ITK: variants seen among roughly 807,000 people sequenced by gnomAD.
ITK encodes the protein IL2 inducible T cell kinase, also known as tyrosine-protein kinase ITK/TSK.
ITK carries 45 observed loss-of-function variants against 87.6 expected under a neutral mutation model. The ratio of observed to expected loss-of-function variants is 0.51; its 90% CI spans 0.40 to 0.66. ITK has a LOEUF of 0.66. ITK is among the 30% of genes least tolerant of loss of function. The pLI is 0.00. For missense variants in ITK, 605 were observed against 766.3 expected (o/e 0.79, Z 2.48); for synonymous variants, 303 against 273.6 (o/e 1.11, Z -1.06).
At chr5:157,238,730 A>C (rs1286001267) in intron 9 of ITK, among the ~76,000 whole-genome samples, 1 of 152,198 alleles carries the variant, frequency 6.6e-6, no homozygotes, top group Non-Finnish European at 1.5e-5. Flanking sequence ...TGAAGGGGCC[A>C]AGCCACATCC....
At chr5:157,210,065 A>G (rs1754157744) in intron 2 of ITK, among the ~76,000 whole-genome samples, 1 of 151,906 alleles carries the variant, frequency 6.6e-6, no homozygotes, top group African/African-American at 2.4e-5. Flanking sequence ...AGCTGGGACT[A>G]CGGGCGTGTG....
chr5:157,196,961 A>G (rs1446524333), intron 1 of ITK, among the ~76,000 whole-genome samples: 2 of 152,190 alleles, frequency 1.3e-5, no homozygotes, highest in African/African-American at 4.8e-5. Context: ...TTATGCTTGG[A>G]AAATATCACT....
intron 1 of ITK, among the ~76,000 whole-genome samples, 184 bp downstream of exon 1, chr5:157,181,299 G>T (rs535354248): frequency 3.3e-4 from 50 of 152,166 alleles, no homozygotes; most frequent in Non-Finnish European, 6.6e-4. Context: ...GAGGTGAAAT[G>T]GTGGTGCTAG....
At chr5:157,181,966 G>A (rs1753539577) in intron 1 of ITK, among the ~76,000 whole-genome samples, 1 of 152,224 alleles carries the variant, frequency 6.6e-6, no homozygotes, top group Non-Finnish European at 1.5e-5. Context: ...AGGTGATCCA[G>A]TCTGGGCAAA....
intron 1 of ITK, among the ~76,000 whole-genome samples, chr5:157,200,616 C>T (rs1313900513): frequency 3.9e-5 from 6 of 152,134 alleles, no homozygotes; most frequent in Non-Finnish European, 7.3e-5. Context: ...ACCTCAGGGT[C>T]TTTGGAAAGA....
At chr5:157,248,748 T>C (rs1174514531) in intron 15 of ITK, 102 bp from the exon 16 acceptor site, 3 of 1,316,132 alleles carry the variant, frequency 2.3e-6, no homozygotes, top group East Asian at 4.6e-5. Flanking sequence ...AGGTAGCACA[T>C]GAATCCTAAT....
At chr5:157,213,725 C>G (rs1754240000) in intron 3 of ITK, 1 of 344,918 alleles carries the variant, frequency 2.9e-6, no homozygotes, top group African/African-American at 2.1e-5. Flanking sequence ...TAGCAGACCC[C>G]CCTTTTTTTT....
At chr5:157,227,062 C>T (rs929156297) in intron 6 of ITK, among the ~76,000 whole-genome samples, 4 of 152,182 alleles carry the variant, frequency 2.6e-5, no homozygotes, top group Non-Finnish European at 5.9e-5. Flanking sequence ...TCAAGTGATC[C>T]ACCCACCTCA....
At chr5:157,224,641 T>A (rs1394595368) in intron 6 of ITK, among the ~76,000 whole-genome samples, 1 of 151,848 alleles carries the variant, frequency 6.6e-6, no homozygotes, top group African/African-American at 2.4e-5. Context: ...ATTAGCTGGG[T>A]GTGGTGGCAG....
chr5:157,210,545 T>A (rs935737807), intron 2 of ITK, among the ~76,000 whole-genome samples: 6 of 143,952 alleles, frequency 4.2e-5, no homozygotes, highest in African/African-American at 1.0e-4. Flanking sequence ...TTTTTTTTTT[T>A]AATTTTTTTT....
chr5:157,240,338 A>G, intron 10 of ITK, 143 bp downstream of exon 10: 2 of 771,336 alleles, frequency 2.6e-6, no homozygotes, highest in South Asian at 1.4e-5. Flanking sequence ...TGTGAACAGC[A>G]CTTGTGGGAT....
At chr5:157,183,779 T>G (rs1472674586) in intron 1 of ITK, among the ~76,000 whole-genome samples, 1 of 152,200 alleles carries the variant, frequency 6.6e-6, no homozygotes, top group Admixed American at 6.5e-5. Context: ...TCTTTTTCTC[T>G]TTTCTCATGT....
intron 1 of ITK, among the ~76,000 whole-genome samples, chr5:157,191,815 T>A (rs141904440): frequency 0.011 from 1,637 of 152,276 alleles, 25 homozygotes; most frequent in African/African-American, 0.035. Flanking sequence ...CCAGGTATAA[T>A]GAAAACACCA....
chr5:157,193,773 T>C (rs1172563446), intron 1 of ITK, among the ~76,000 whole-genome samples: 1 of 152,184 alleles, frequency 6.6e-6, no homozygotes, highest in Non-Finnish European at 1.5e-5. Flanking sequence ...GGTGAGTTTC[T>C]AACATAATCC....
At chr5:157,252,537 T>C in intron 16 of ITK, 70 bp from the exon 17 acceptor site, 1 of 1,105,380 alleles carries the variant, frequency 9.0e-7, no homozygotes, top group Non-Finnish European at 1.4e-6. Flanking sequence ...TATTAAATTC[T>C]GGTTTGTTTT....
At chr5:157,237,954 A>G (rs1754810597) in intron 8 of ITK, among the ~76,000 whole-genome samples, 155 bp from the exon 9 acceptor site, 1 of 152,256 alleles carries the variant, frequency 6.6e-6, no homozygotes, top group African/African-American at 2.4e-5. Flanking sequence ...ACGGAAGGAC[A>G]GGAGTAAATG....
Position 157,245,862 on chromosome 5 carries a change from C to A in ITK, c.1515-19C>A. 1 of 1,610,200 alleles carries A rather than the reference C, an allele frequency of 6.2e-7. No individual in the cohort carries two copies. Among genetic ancestry groups the A allele is most frequent in the Non-Finnish European group, 8.5e-7 (1 of 1,176,390 alleles). ...GGCCCCCGGAACATTCTGACCTTCT[C>A]CCTCCACTCTCTTCCCAGGTTCGTT... On this transcript the variant is annotated intron_variant, in intron 14 of 16. Coordinates refer to ENST00000422843, the MANE Select transcript of ITK (RefSeq NM_005546.4).
chr5:157,211,322 T>A lies in ITK; in HGVS notation c.279T>A (p.Ala93=), dbSNP rs1483493846. ...ACAACTACCTCCTATATGTGTTTGC[T>A]CCAGATCGTGAGAGCCGGCAGCGCT... The part of the protein sequence containing the change: ...VHDNYLLYVF[A]PDRESRQRWV... The change falls in exon 3 of 17, where the codon GCT becomes GCA. Residue 93 remains alanine (A), a synonymous_variant. Coordinates refer to ENST00000422843, the MANE Select transcript of ITK (RefSeq NM_005546.4). 8 of 1,614,080 alleles carry A rather than the reference T, an allele frequency of 5.0e-6. No homozygotes were observed. Among genetic ancestry groups the A allele is most frequent in the Non-Finnish European group, 5.9e-6 (7 of 1,179,954 alleles).
In ITK at chr5:157,242,838, G is replaced by A. The variant is rs148442695; in HGVS notation, c.1061-785G>A. Among the ~76,000 whole-genome samples, 360 of 152,282 alleles carry A rather than the reference G, an allele frequency of 2.4e-3. 1 individual carries two copies. Among genetic ancestry groups the A allele is most frequent in the Admixed American group, 5.2e-3 (80 of 15,298 alleles). ...GCAATACTTTGAGAACCACTGCCAC[G>A]CATGGGCTTCTTTATCCCTAACCAG... On this transcript the variant is annotated intron_variant, in intron 11 of 16. Coordinates refer to ENST00000422843, the MANE Select transcript of ITK (RefSeq NM_005546.4).
Sources: gnomAD v4.1 joint callset for allele counts (sites outside exome capture counted in the v4.1 genomes callset) on GRCh38, gnomAD v4.1.1 for gene constraint, MANE v1.5 for transcripts, NCBI Gene and HGNC (gene_info 2026-07-23, HGNC 2026-07-21) for gene names.